The following GRIP1 variants were observed in gnomAD, a reference collection of about 807,000 sequenced individuals.
The protein encoded by GRIP1 is glutamate receptor interacting protein 1.
In GRIP1, 45 loss-of-function variants were observed where a neutral mutation model predicts 129.9. That is an observed-to-expected ratio of 0.35 (90% CI 0.27 to 0.44). The LOEUF is 0.44. Ranked by LOEUF, GRIP1 falls within the 20% of genes least tolerant of loss-of-function variation. GRIP1 has a pLI of 1.00. For synonymous variants in GRIP1, 530 were observed against 520.8 expected (o/e 1.02, Z -0.24); for missense variants, 1,196 against 1,396.8 (o/e 0.86, Z 2.29).
rs1383397528 is a variant in GRIP1 at position 66,415,356 on chromosome 12, G to A, written c.1838+5364C>T. On this transcript the variant is annotated intron_variant, in intron 15 of 24. Coordinates refer to ENST00000359742, the MANE Select transcript of GRIP1 (RefSeq NM_001366722.1). ...ACTGATCATTAGAGAAATACAAATT[G>A]AAATCATAATGAGATATCATCTGAT... Among the ~76,000 whole-genome samples, 4 of 152,216 alleles carry A rather than the reference G, an allele frequency of 2.6e-5. No individual in the cohort carries two copies. In the South Asian group the frequency reaches 6.2e-4, roughly 24 times the overall value.
At chr12:66,357,467 T>C (rs1047870611) in intron 23 of GRIP1, among the ~76,000 whole-genome samples, 1 of 152,210 alleles carries the variant, frequency 6.6e-6, no homozygotes, top group Non-Finnish European at 1.5e-5. Context: ...GTGCTTCCTA[T>C]CACATCATGT....
At chr12:66,979,222 T>TAAAAAAAAAAAAAAAAAAAAAAAAAAAA (rs35306665) in intron 1 of GRIP1, among the ~76,000 whole-genome samples, 1 of 41,458 alleles carries the variant, frequency 2.4e-5, no homozygotes, top group African/African-American at 7.5e-5. Flanking sequence ...CTTCTCTTCT[T>TAAAAAAAAAAAAAAAAAAAAAAAAAAAA]AAAAAAAAAA....
chr12:66,846,641 G>A (rs2039821582), intron 1 of GRIP1, among the ~76,000 whole-genome samples: 1 of 152,192 alleles, frequency 6.6e-6, no homozygotes, highest in Non-Finnish European at 1.5e-5. Context: ...TATCACAGGT[G>A]TGTGCACATG....
chr12:66,444,787 CT>C (rs2058574786), intron 12 of GRIP1, 58 bp from the exon 13 acceptor site: 4 of 1,567,642 alleles, frequency 2.6e-6, no homozygotes, highest in Non-Finnish European at 3.5e-6. Context: ...CCAAGCTGAG[CT>C]TGCCAAATCT....
chr12:66,835,951 G>A (rs943240160), intron 1 of GRIP1, among the ~76,000 whole-genome samples: 3 of 151,904 alleles, frequency 2.0e-5, no homozygotes, highest in Non-Finnish European at 2.9e-5. Context: ...AATGGGGGAG[G>A]CTGTGTGTGT....
At chr12:67,069,084 G>A (rs2043689571) in exon 1 of GRIP1, 2 of 984,530 alleles carry the variant, frequency 2.0e-6, no homozygotes, top group South Asian at 4.7e-5. Flanking sequence ...AGCAGATAGG[G>A]ATATTCTTCT....
At chr12:66,970,891 T>C (rs567931951) in intron 1 of GRIP1, among the ~76,000 whole-genome samples, 1 of 152,154 alleles carries the variant, frequency 6.6e-6, no homozygotes, top group African/African-American at 2.4e-5. Context: ...CCCTTTTCCT[T>C]GGAGAGTAAG....
chr12:66,811,341 G>A (rs917271165), intron 1 of GRIP1, among the ~76,000 whole-genome samples: 6 of 152,106 alleles, frequency 3.9e-5, no homozygotes, highest in African/African-American at 7.2e-5. Context: ...TCATTGTATC[G>A]GAACTCATTT....
At chr12:67,013,957 C>A (rs2135722690) in intron 1 of GRIP1, among the ~76,000 whole-genome samples, 1 of 152,324 alleles carries the variant, frequency 6.6e-6, no homozygotes, top group African/African-American at 2.4e-5. Context: ...ACTAAGAATT[C>A]TGGGACAAAG....
At chr12:66,896,539 T>G (rs1592936823) in intron 1 of GRIP1, among the ~76,000 whole-genome samples, 1 of 148,026 alleles carries the variant, frequency 6.8e-6, no homozygotes, top group African/African-American at 2.5e-5. Flanking sequence ...GAAAAGAGGG[T>G]TTTTGTCAGT....
intron 1 of GRIP1, among the ~76,000 whole-genome samples, chr12:67,067,993 C>T (rs565890193): frequency 1.3e-5 from 2 of 152,312 alleles, no homozygotes; most frequent in African/African-American, 4.8e-5. Flanking sequence ...CAGGACAGGA[C>T]AGGATAGAAG....
chr12:66,525,013 G>GCA (rs2061171471), intron 5 of GRIP1, among the ~76,000 whole-genome samples: 1 of 152,084 alleles, frequency 6.6e-6, no homozygotes, highest in Non-Finnish European at 1.5e-5. Flanking sequence ...ACCAATAACA[G>GCA]GCTCTGAAAT....
At chr12:66,383,775 G>A (rs1379010223) in intron 19 of GRIP1, among the ~76,000 whole-genome samples, 1 of 152,206 alleles carries the variant, frequency 6.6e-6, no homozygotes, top group African/African-American at 2.4e-5. Context: ...CAGTTTCGGG[G>A]TGAGCAAATT....
chr12:66,683,996 C>T (rs1196302202), upstream of GRIP1, among the ~76,000 whole-genome samples: 2 of 152,222 alleles, frequency 1.3e-5, no homozygotes, highest in African/African-American at 4.8e-5. Context: ...GCTTTTGCCA[C>T]TAAATGGCTG....
intron 1 of GRIP1, among the ~76,000 whole-genome samples, chr12:66,689,791 A>G (rs2034912926): frequency 6.6e-6 from 1 of 152,056 alleles, no homozygotes; most frequent in African/African-American, 2.4e-5. Context: ...TTGTAATTGA[A>G]AGTTCGTACC....
chr12:66,619,008 T>C (rs1271423042), intron 1 of GRIP1, among the ~76,000 whole-genome samples: 1 of 152,142 alleles, frequency 6.6e-6, no homozygotes, highest in East Asian at 1.9e-4. Flanking sequence ...CCGAAGCAAA[T>C]ACTCAGATAA....
chr12:66,561,646 G>A (rs1229245809), intron 2 of GRIP1, among the ~76,000 whole-genome samples: 2 of 152,070 alleles, frequency 1.3e-5, no homozygotes, highest in African/African-American at 2.4e-5. Context: ...CAGCCCTATT[G>A]CCTCGCCTCT....
chr12:66,565,477 G>A (rs374639191), intron 2 of GRIP1, among the ~76,000 whole-genome samples: 6 of 152,022 alleles, frequency 3.9e-5, no homozygotes, highest in South Asian at 2.1e-4. Context: ...TGTTCCATTG[G>A]TCTATATCTC....
At chr12:66,817,402 A>T (rs1038030367) in intron 1 of GRIP1, among the ~76,000 whole-genome samples, 3 of 151,972 alleles carry the variant, frequency 2.0e-5, no homozygotes, top group Non-Finnish European at 2.9e-5. Context: ...TAAAACTGAA[A>T]ATTTTATTGT....
Sources: allele counts gnomAD v4.1 joint callset (sites outside exome capture counted in the v4.1 genomes callset), GRCh38; gene constraint gnomAD v4.1.1; transcripts MANE v1.5; gene names NCBI Gene and HGNC (gene_info 2026-07-23, HGNC 2026-07-21).